SYCP1: variants seen among roughly 807,000 people sequenced by gnomAD.
The protein encoded by SYCP1 is synaptonemal complex protein 1.
A neutral mutation model predicts 153.1 loss-of-function variants in SYCP1; 64 were observed. The observed-to-expected ratio is 0.42, with a 90% CI of 0.34 to 0.51. The LOEUF (loss-of-function observed/expected upper bound fraction) is 0.51, where lower values mean the gene tolerates loss of function less well. Among genes scored for constraint, SYCP1 ranks in the 20% least tolerant of loss-of-function variants. The pLI is 0.06. For missense variants in SYCP1, 997 were observed against 1,049.0 expected (o/e 0.95, Z 0.68); for synonymous variants, 384 against 341.8 (o/e 1.12, Z -1.36).
chr1:114,902,356 T>C (rs1222283818), intron 16 of SYCP1, among the ~76,000 whole-genome samples: 2 of 152,082 alleles, frequency 1.3e-5, no homozygotes, highest in Non-Finnish European at 2.9e-5. Flanking sequence ...CAATATGTTG[T>C]AGGAAAAACC....
At chr1:114,881,094 C>CACACACACA (rs1440330109) in intron 12 of SYCP1, among the ~76,000 whole-genome samples, 6 of 150,044 alleles carry the variant, frequency 4.0e-5, no homozygotes, top group African/African-American at 1.5e-4. Context: ...CACACACACA[C>CACACACACA]ATTTCTTTAT....
intron 29 of SYCP1, among the ~76,000 whole-genome samples, chr1:114,984,382 G>A (rs149560923): frequency 4.6e-5 from 7 of 151,950 alleles, no homozygotes; most frequent in Non-Finnish European, 5.9e-5. Context: ...TATTTTTTTC[G>A]ATCATGATTA....
At chr1:114,908,124 A>G (rs1192142182) in intron 16 of SYCP1, among the ~76,000 whole-genome samples, 1 of 151,538 alleles carries the variant, frequency 6.6e-6, no homozygotes, top group Non-Finnish European at 1.5e-5. Context: ...GCTGCTGACA[A>G]ATTTTCTTAG....
intron 5 of SYCP1, 74 bp from the exon 6 acceptor site, chr1:114,858,473 A>G: frequency 7.7e-7 from 1 of 1,304,738 alleles, no homozygotes. Flanking sequence ...GTATATGGAT[A>G]TTTTCAGTAG....
intron 16 of SYCP1, among the ~76,000 whole-genome samples, chr1:114,899,381 T>C (rs915572165): frequency 3.9e-5 from 6 of 152,326 alleles, no homozygotes; most frequent in African/African-American, 7.2e-5. Flanking sequence ...ATTGCTTCAG[T>C]TTTCTGAATT....
rs959898102 is a variant in SYCP1 at position 114,994,797 on chromosome 1, A to C, written c.2793+10A>C. The C allele has an allele frequency of 6.3e-7, 1 of 1,580,948 alleles. No individual in the cohort carries two copies. Among genetic ancestry groups the C allele is most frequent in the Non-Finnish European group, 8.5e-7 (1 of 1,170,034 alleles). On this transcript the variant is annotated intron_variant, in intron 31 of 31. Coordinates refer to ENST00000369522, the MANE Select transcript of SYCP1 (RefSeq NM_003176.4). ...CAAAACACCAAAAAAGGTAGCTTTT[A>C]AATTTTATTTCAGAAAGCAAATTTT...
At position 114,940,786 on chromosome 1, in the gene SYCP1, T is replaced by C. The variant is rs566404202; in HGVS notation, c.1927-3553T>C. Among the ~76,000 whole-genome samples the C allele has an allele frequency of 2.0e-5, 3 of 152,300 alleles. No individual in the cohort carries two copies. In the East Asian group the frequency reaches 5.8e-4, roughly 29 times the overall value. On this transcript the variant is annotated intron_variant, in intron 23 of 31. Transcript: ENST00000369522. ...TCCTTTATGTAAAGATTACCAGTTA[T>C]ATTCTTTATATTTGTGTATCTTTTT... is the stretch of plus-strand genomic sequence containing the variant.
In SYCP1 at chr1:114,889,489, C is replaced by T. The variant is rs937102153; in HGVS notation, c.1258+1796C>T. 8.5e-5 allele frequency among the ~76,000 whole-genome samples: 13 copies of T among 152,280 alleles called. No homozygotes were observed. In the East Asian group the frequency reaches 2.3e-3, roughly 27 times the overall value. ...CATTTTTTCATATGTCTGTTGGCTGCATAAATGTCTTCTTTTAAGAAGTGT... is the reference window on the plus strand; with the variant it reads ...CATTTTTTCATATGTCTGTTGGCTGTATAAATGTCTTCTTTTAAGAAGTGT... On this transcript the variant is annotated intron_variant, in intron 15 of 31. Transcript: ENST00000369522.
At chr1:114,993,493 A>G (rs1232266441) in intron 30 of SYCP1, among the ~76,000 whole-genome samples, 1 of 151,530 alleles carries the variant, frequency 6.6e-6, no homozygotes, top group Non-Finnish European at 1.5e-5. Flanking sequence ...TATATAATCT[A>G]GGGTACATTA....
chr1:114,880,658 G>A (rs980456535), intron 12 of SYCP1, among the ~76,000 whole-genome samples: 3 of 152,200 alleles, frequency 2.0e-5, no homozygotes, highest in African/African-American at 7.2e-5. Context: ...ACAGGCCTCT[G>A]CCTGGGTTAA....
At chr1:114,907,600 T>A (rs1054120020) in intron 16 of SYCP1, among the ~76,000 whole-genome samples, 2 of 150,056 alleles carry the variant, frequency 1.3e-5, no homozygotes, top group Non-Finnish European at 3.0e-5. Flanking sequence ...TTTTTTTTTT[T>A]AGATGGAGTC....
intron 16 of SYCP1, among the ~76,000 whole-genome samples, chr1:114,898,813 C>T (rs1667231626): frequency 6.6e-6 from 1 of 152,166 alleles, no homozygotes; most frequent in South Asian, 2.1e-4. Flanking sequence ...CTCTGTTCCA[C>T]AAGGAATCTC....
At chr1:114,955,959 A>G (rs1415278814) in intron 27 of SYCP1, among the ~76,000 whole-genome samples, 1 of 152,198 alleles carries the variant, frequency 6.6e-6, no homozygotes, top group Non-Finnish European at 1.5e-5. Flanking sequence ...GCCTTGATAG[A>G]AAGGCTTGTC....
In SYCP1 at chr1:114,994,742, C is replaced by T; in HGVS notation, c.2748C>T (p.Asn916=). The T allele has an allele frequency of 6.3e-7, 1 of 1,592,544 alleles. No homozygotes were observed. The highest frequency in any genetic ancestry group is 8.5e-7 in the Non-Finnish European group (1 of 1,173,128). The part of the protein sequence containing the change: ...EEETLKTLYR[N]NNPPASHLCV... ...AGACATTGAAAACACTGTATAGGAA[C>T]AATAATCCACCAGCTTCTCATCTTT... The change falls in exon 31 of 32, where the codon AAC becomes AAT. Residue 916 remains asparagine (N), a synonymous_variant. Transcript: ENST00000369522.
chr1:114,881,088 C>CACAA (rs1665893776), intron 12 of SYCP1, among the ~76,000 whole-genome samples: 1 of 151,760 alleles, frequency 6.6e-6, no homozygotes, highest in South Asian at 2.1e-4. Flanking sequence ...CACACACACA[C>CACAA]ACACACATTT....
intron 17 of SYCP1, among the ~76,000 whole-genome samples, chr1:114,910,714 T>C (rs529977462): frequency 1.3e-5 from 2 of 152,294 alleles, no homozygotes; most frequent in Non-Finnish European, 1.5e-5. Flanking sequence ...AAAAGATCAA[T>C]ATGATGCATT....
intron 18 of SYCP1, among the ~76,000 whole-genome samples, chr1:114,911,928 TA>T (rs1431586014): frequency 1.3e-5 from 2 of 152,006 alleles, no homozygotes; most frequent in Non-Finnish European, 2.9e-5. Flanking sequence ...AGTGTCAAAA[TA>T]AAAAATTATT....
At chr1:114,864,516 T>C (rs990517799) in intron 8 of SYCP1, among the ~76,000 whole-genome samples, 1 of 152,020 alleles carries the variant, frequency 6.6e-6, no homozygotes, top group African/African-American at 2.4e-5. Flanking sequence ...GGTGGGGTGG[T>C]CTCACACTGT....
chr1:114,873,284 G>C (rs73000530), intron 8 of SYCP1, among the ~76,000 whole-genome samples: 4,038 of 152,158 alleles, frequency 0.027, 214 homozygotes, highest in African/African-American at 0.093. Context: ...TAAAGTATAG[G>C]GGGAGGAGTA....
Sources: gnomAD v4.1 joint callset for allele counts (sites outside exome capture counted in the v4.1 genomes callset) on GRCh38, gnomAD v4.1.1 for gene constraint, MANE v1.5 for transcripts, NCBI Gene and HGNC (gene_info 2026-07-23, HGNC 2026-07-21) for gene names.